Variants in MACROD2 observed in about 807,000 individuals in gnomAD.
The protein encoded by MACROD2 is mono-ADP ribosylhydrolase 2.
In MACROD2, 36 loss-of-function variants were observed where a neutral mutation model predicts 70.4. That is an observed-to-expected ratio of 0.51 (90% CI 0.39 to 0.68). The LOEUF is 0.68. MACROD2 is among the 30% of genes least tolerant of loss of function. The pLI is 0.00. For synonymous variants in MACROD2, 172 were observed against 178.8 expected, an observed-to-expected ratio of 0.96 and a Z score of 0.30; for missense variants, 496 against 538.4, an observed-to-expected ratio of 0.92 and a Z score of 0.78.
chr20:14,905,619 A>G (rs941375616), intron 5 of MACROD2: 1 of 152,182 alleles, frequency 6.6e-6, no homozygotes, highest in African/African-American at 2.4e-5. Context: ...GGAGACCACT[A>G]CATCCTCCAG....
intron 8 of MACROD2, among the ~76,000 whole-genome samples, chr20:15,740,874 T>C (rs1044347255): frequency 1.3e-5 from 2 of 151,994 alleles, no homozygotes; most frequent in Non-Finnish European, 2.9e-5. Flanking sequence ...ATGTGATCAC[T>C]CGGCACCATC....
intron 8 of MACROD2, among the ~76,000 whole-genome samples, chr20:15,605,573 A>T (rs1264999173): frequency 1.3e-5 from 2 of 152,080 alleles, no homozygotes; most frequent in African/African-American, 2.4e-5. Flanking sequence ...AGAATAAACA[A>T]AATGAATAAA....
chr20:14,905,675 G>T (rs920997357), intron 5 of MACROD2: 1 of 152,090 alleles, frequency 6.6e-6, no homozygotes, highest in Non-Finnish European at 1.5e-5. Context: ...ATTCTCATTG[G>T]TGTAACCTCT....
intron 5 of MACROD2, among the ~76,000 whole-genome samples, chr20:15,139,642 T>C (rs1018886344): frequency 6.6e-6 from 1 of 152,122 alleles, no homozygotes; most frequent in Non-Finnish European, 1.5e-5. Context: ...AAAAAAATCA[T>C]GTGGATTTGC....
intron 13 of MACROD2, among the ~76,000 whole-genome samples, chr20:15,976,510 C>A (rs2066308674): frequency 6.6e-6 from 1 of 152,190 alleles, no homozygotes; most frequent in African/African-American, 2.4e-5. Context: ...AGCTTGCCCC[C>A]ATGGGGCCAA....
At chr20:14,635,830 T>C (rs972698447) in intron 4 of MACROD2, among the ~76,000 whole-genome samples, 13 of 151,918 alleles carry the variant, frequency 8.6e-5, no homozygotes, top group Non-Finnish European at 1.6e-4. Context: ...AAGCCAAGAG[T>C]ATATGATTCA....
At chr20:15,640,647 C>A (rs902272453) in intron 8 of MACROD2, among the ~76,000 whole-genome samples, 5 of 152,242 alleles carry the variant, frequency 3.3e-5, no homozygotes, top group African/African-American at 1.2e-4. Flanking sequence ...CCCCCATCCT[C>A]AGCTTCTGTT....
intron 4 of MACROD2, among the ~76,000 whole-genome samples, chr20:14,658,803 G>A (rs1443946210): frequency 6.6e-6 from 1 of 152,100 alleles, no homozygotes. Context: ...TAGTAGAGAT[G>A]GTCTTTCACC....
intron 7 of MACROD2, among the ~76,000 whole-genome samples, chr20:15,437,113 C>T (rs2046437318): frequency 6.6e-6 from 1 of 152,060 alleles, no homozygotes; most frequent in Admixed American, 6.6e-5. Flanking sequence ...AATTGGTGTG[C>T]TAAGAAATTT....
intron 5 of MACROD2, among the ~76,000 whole-genome samples, chr20:15,121,200 C>T (rs866772916): frequency 1.3e-5 from 2 of 152,098 alleles, no homozygotes; most frequent in African/African-American, 4.8e-5. Context: ...GTAGTGCTTA[C>T]AATTTATTTT....
chr20:15,138,180 A>G (rs1734482278), intron 5 of MACROD2, among the ~76,000 whole-genome samples: 1 of 152,170 alleles, frequency 6.6e-6, no homozygotes, highest in African/African-American at 2.4e-5. Context: ...AATACACAGA[A>G]GATTCCTAAG....
intron 8 of MACROD2, among the ~76,000 whole-genome samples, chr20:15,777,133 T>G (rs757683105): frequency 1.3e-5 from 2 of 152,152 alleles, no homozygotes; most frequent in African/African-American, 4.8e-5. Context: ...CAGTTACTTG[T>G]GGAGGTTATA....
At chr20:15,246,898 T>C (rs769650981) in intron 6 of MACROD2, among the ~76,000 whole-genome samples, 9 of 152,208 alleles carry the variant, frequency 5.9e-5, no homozygotes, top group Non-Finnish European at 1.3e-4. Context: ...TACTGACACA[T>C]GGTACAACAT....
chr20:15,809,409 C>T (rs143484290), intron 8 of MACROD2, among the ~76,000 whole-genome samples: 4 of 152,286 alleles, frequency 2.6e-5, no homozygotes, highest in Admixed American at 1.3e-4. Flanking sequence ...TATTAGCTCA[C>T]GGTTCTGCAG....
intron 8 of MACROD2, among the ~76,000 whole-genome samples, chr20:15,762,204 A>G (rs767688309): frequency 6.6e-6 from 1 of 152,180 alleles, no homozygotes; most frequent in Non-Finnish European, 1.5e-5. Flanking sequence ...AATACTACAG[A>G]CTACTGTTCA....
chr20:16,015,613 C>G (rs1013401696), intron 15 of MACROD2, among the ~76,000 whole-genome samples: 2 of 152,120 alleles, frequency 1.3e-5, no homozygotes, highest in Non-Finnish European at 2.9e-5. Context: ...AAATTTAGGC[C>G]ATCCTTACAA....
intron 5 of MACROD2, among the ~76,000 whole-genome samples, chr20:15,096,180 A>G (rs552005136): frequency 4.6e-5 from 7 of 152,214 alleles, no homozygotes; most frequent in Admixed American, 3.9e-4. Context: ...AGCAGCAGCT[A>G]GTAGATCCCT....
rs577957547 is a variant in MACROD2 at position 15,125,514 on chromosome 20, A to T, written c.419-104426A>T. 7.2e-5 allele frequency among the ~76,000 whole-genome samples: 11 copies of T among 152,278 alleles called. No homozygotes were observed. In the South Asian group the frequency reaches 2.3e-3, roughly 32 times the overall value. On this transcript the variant is annotated intron_variant, in intron 5 of 17. Transcript: ENST00000684519. ...CAAATACTTATCATAGTGAATCTAT[A>T]TCACCAAGAAGAAAGTTTGGGAACG...
intron 5 of MACROD2, among the ~76,000 whole-genome samples, chr20:14,999,152 C>G (rs2074973621): frequency 6.6e-6 from 1 of 152,112 alleles, no homozygotes; most frequent in Non-Finnish European, 1.5e-5. Flanking sequence ...ACTCTTCAGC[C>G]TGAGATAAAA....
Sources: allele counts gnomAD v4.1 joint callset (sites outside exome capture counted in the v4.1 genomes callset), GRCh38; gene constraint gnomAD v4.1.1; transcripts MANE v1.5; gene names NCBI Gene and HGNC (gene_info 2026-07-23, HGNC 2026-07-21).